Variants in HEATR6 observed in about 807,000 individuals in gnomAD.
HEATR6 encodes the protein HEAT repeat-containing protein 6.
In HEATR6, 106 loss-of-function variants were observed where a neutral mutation model predicts 132.8. The ratio of observed to expected loss-of-function variants is 0.80; its 90% CI spans 0.68 to 0.94. The LOEUF is 0.94. Among genes scored for constraint, HEATR6 ranks in the 40% least tolerant of loss-of-function variants. HEATR6 has a pLI of 0.00. For missense variants in HEATR6, 1,339 were observed against 1,425.1 expected, an observed-to-expected ratio of 0.94 and a Z score of 0.97; for synonymous variants, 529 against 537.8, an observed-to-expected ratio of 0.98 and a Z score of 0.23.
At chr17:60,053,602 G>A (rs939879371) in intron 14 of HEATR6, among the ~76,000 whole-genome samples, 3 of 152,182 alleles carry the variant, frequency 2.0e-5, no homozygotes, top group Non-Finnish European at 4.4e-5. Flanking sequence ...ATAGAAATAT[G>A]GAGAGTGAAA....
chr17:60,047,847 G>C (rs1010849197), intron 17 of HEATR6, among the ~76,000 whole-genome samples: 4 of 152,182 alleles, frequency 2.6e-5, no homozygotes, highest in Admixed American at 1.3e-4. Flanking sequence ...AGCTACCTCT[G>C]GGGAGGGGAA....
chr17:60,051,977 G>A (rs73994278), intron 14 of HEATR6, among the ~76,000 whole-genome samples: 1 of 152,190 alleles, frequency 6.6e-6, no homozygotes, highest in Non-Finnish European at 1.5e-5. Flanking sequence ...TAGGATTGTT[G>A]TGGAAATGAC....
chr17:60,052,945 A>T (rs1249583352), intron 14 of HEATR6, among the ~76,000 whole-genome samples: 1 of 152,184 alleles, frequency 6.6e-6, no homozygotes, highest in African/African-American at 2.4e-5. Context: ...CTGAAGGGTT[A>T]TGGTTTATTA....
chr17:60,051,154 C>T (rs748397887), intron 14 of HEATR6, among the ~76,000 whole-genome samples, 177 bp from the exon 15 acceptor site: 2 of 152,174 alleles, frequency 1.3e-5, no homozygotes, highest in Admixed American at 1.3e-4. Context: ...TTAAGCCTCC[C>T]GTTCAACTCC....
Position 60,072,204 on chromosome 17 carries a change from A to G in HEATR6, c.699+11T>C, listed in dbSNP as rs112549691. 3 of 1,395,484 alleles carry G rather than the reference A, an allele frequency of 2.1e-6. No individual in the cohort carries two copies. In the African/African-American group the frequency reaches 4.3e-5, roughly 20 times the overall value. 86.4% of individuals were successfully genotyped at this position (1,395,484 alleles called of 1,614,324 possible). On this transcript the variant is annotated intron_variant, in intron 5 of 19. Coordinates refer to ENST00000184956, the MANE Select transcript of HEATR6 (RefSeq NM_022070.5). The stretch of plus-strand genomic sequence containing the variant: ...CCGCAACATTCACTACGTCAATGAT[A>G]GTCCACTTACCATGCAAAATGTGAT...
Position 60,043,407 on chromosome 17 carries a change from T to C in HEATR6, c.*156A>G, listed in dbSNP as rs1001605364. The C allele has an allele frequency of 7.8e-5, 52 of 670,212 alleles. No homozygotes were observed. In the African/African-American group the frequency reaches 8.0e-4, roughly 10 times the overall value. The allele number at this position is 670,212 out of a possible 1,614,324, so 41.5% of individuals were successfully genotyped here. On this transcript the variant is annotated 3_prime_UTR_variant, in exon 20 of 20. Coordinates refer to ENST00000184956, the MANE Select transcript of HEATR6 (RefSeq NM_022070.5). ...TGCTATGGAGTCACTCCAAAGGTGG[T>C]TGAGCCCTCTGTGAAAATTTAAATG...
chr17:60,047,168 A>G (rs1369205831), intron 18 of HEATR6, 141 bp downstream of exon 18: 1 of 527,866 alleles, frequency 1.9e-6, no homozygotes. Context: ...TTATACCCTG[A>G]GCACACCCTC....
chr17:60,045,609 A>G (rs1373042517), intron 19 of HEATR6, among the ~76,000 whole-genome samples: 2 of 152,310 alleles, frequency 1.3e-5, no homozygotes, highest in East Asian at 3.9e-4. Context: ...CCATTAAAGT[A>G]ATATATGCTT....
Position 60,043,567 on chromosome 17 carries a change from T to C in HEATR6, c.3542A>G (p.Gln1181Arg). 1.9e-6 allele frequency: 3 copies of C among 1,607,112 alleles called. No individual in the cohort carries two copies. The highest frequency in any genetic ancestry group is 1.1e-5 in the South Asian group (1 of 90,812). Residue 1181 changes from glutamine (Q) to arginine (R), a missense_variant, in exon 20 of 20, where the codon CAG becomes CGG. Transcript: ENST00000184956. ...CTAGAAAGTATGGTGGGATCTTCAC[T>C]GATTTGTTAACCCTGGGAGTGCCCC... ...SQGALPGLTN[Q>R]
rs73994287 is a variant in HEATR6 at position 60,073,660 on chromosome 17, T to C, written c.468+86A>G. The C allele has an allele frequency of 9.7e-4, 1,266 of 1,298,672 alleles. 11 individuals are homozygous for C. In the African/African-American group the frequency reaches 0.016, roughly 16 times the overall value. The allele number at this position is 1,298,672 out of a possible 1,614,324, so 80.4% of individuals were successfully genotyped here. A position where few individuals can be genotyped will look rare whatever the true frequency, so the allele number is the denominator to read the frequency against. On this transcript the variant is annotated intron_variant, in intron 3 of 19. Coordinates refer to ENST00000184956, the MANE Select transcript of HEATR6 (RefSeq NM_022070.5). Reference sequence around the variant, plus strand: ...TTGAATAAGAATTGCTAGAGATTAGTGGCAAGATAGAAACCTGAACACAGT... The same window carrying C: ...TTGAATAAGAATTGCTAGAGATTAGCGGCAAGATAGAAACCTGAACACAGT...
chr17:60,051,887 A>G (rs1906587915), intron 14 of HEATR6, among the ~76,000 whole-genome samples: 1 of 152,316 alleles, frequency 6.6e-6, no homozygotes, highest in South Asian at 2.1e-4. Flanking sequence ...CCAGGATGGC[A>G]CACAATTACA....
chr17:60,069,944 C>G (rs556178938), intron 6 of HEATR6, 96 bp from the exon 7 acceptor site: 1 of 1,416,868 alleles, frequency 7.1e-7, no homozygotes, highest in South Asian at 1.3e-5. Context: ...TTTACCATGT[C>G]TGGATCACAA....
At chr17:60,049,122 AGTGTGTGTGTGTGT>A (rs531092208) in intron 16 of HEATR6, among the ~76,000 whole-genome samples, 2 of 134,846 alleles carry the variant, frequency 1.5e-5, no homozygotes, top group East Asian at 2.2e-4. Flanking sequence ...AGAGACAGAG[AGTGTGTGTGTGTGT>A]GTGTGTGTGT....
intron 7 of HEATR6, 64 bp from the exon 8 acceptor site, chr17:60,067,796 G>A (rs955453963): frequency 6.9e-5 from 89 of 1,295,888 alleles, no homozygotes; most frequent in Middle Eastern, 2.0e-4. Context: ...TCACTGAATC[G>A]TTACTTCTTC....
chr17:60,059,421 C>T lies in HEATR6; in HGVS notation c.1723+1G>A. 2 of 1,599,256 alleles carry T rather than the reference C, an allele frequency of 1.3e-6. No homozygotes were observed. Among genetic ancestry groups the T allele is most frequent in the Admixed American group, 1.7e-5 (1 of 59,060 alleles). On this transcript the variant is annotated splice_donor_variant, in intron 11 of 19. Coordinates refer to ENST00000184956, the MANE Select transcript of HEATR6 (RefSeq NM_022070.5). LOFTEE classifies it high-confidence loss of function. ...GCCATCAGTTTTAAGCCACTACAAA[C>T]CTTTGTGGCGAATATAAGGCTTTAT...
chr17:60,075,956 A>AT (rs2083293994), intron 2 of HEATR6, 174 bp downstream of exon 2: 2 of 459,484 alleles, frequency 4.4e-6, no homozygotes, highest in African/African-American at 2.0e-5. Flanking sequence ...CTACAGAATA[A>AT]TTTTTTTGGA....
At chr17:60,048,156 C>A in intron 17 of HEATR6, 108 bp downstream of exon 17, 2 of 1,130,874 alleles carry the variant, frequency 1.8e-6, no homozygotes, top group South Asian at 1.9e-5. Context: ...AGACTGACTG[C>A]ATAATATGCG....
intron 9 of HEATR6, among the ~76,000 whole-genome samples, chr17:60,062,691 C>A (rs995387516): frequency 6.6e-6 from 1 of 152,254 alleles, no homozygotes; most frequent in East Asian, 1.9e-4. Context: ...TACGTAACAG[C>A]ATTTCAACAT....
rs138689974 is a variant in HEATR6, at chr17:60,046,843, T to C, written c.2769+466A>G. On this transcript the variant is annotated intron_variant, in intron 18 of 19. Coordinates refer to ENST00000184956, the MANE Select transcript of HEATR6 (RefSeq NM_022070.5). ...AGGTATATAACTTCCATGTTACATG[T>C]GAGGAGCTGACCTTCAGAGAAGTTA... is the stretch of plus-strand genomic sequence containing the variant. Among the ~76,000 whole-genome samples, 428 of 152,230 alleles carry C rather than the reference T, an allele frequency of 2.8e-3. 6 individuals carry two copies. The highest frequency in any genetic ancestry group is 9.7e-3 in the African/African-American group (404 of 41,538).
Sources: gnomAD v4.1 joint callset for allele counts (sites outside exome capture counted in the v4.1 genomes callset) on GRCh38, gnomAD v4.1.1 for gene constraint, MANE v1.5 for transcripts, NCBI Gene and HGNC (gene_info 2026-07-23, HGNC 2026-07-21) for gene names.